EP300: variants seen among roughly 807,000 people sequenced by gnomAD.
EP300 encodes the protein histone acetyltransferase p300.
EP300 carries 31 observed loss-of-function variants against 264.0 expected under a neutral mutation model. The ratio of observed to expected loss-of-function variants is 0.12; its 90% CI spans 0.09 to 0.16. The LOEUF is 0.16. Among genes scored for constraint, EP300 ranks in the 10% least tolerant of loss-of-function variants. The probability of loss-of-function intolerance (pLI) is 1.00; values close to 1 mark genes in which losing one functional copy is unlikely to be tolerated. For missense variants in EP300, 2,766 were observed against 3,052.9 expected (o/e 0.91, Z 2.21); for synonymous variants, 1,340 against 1,045.4 (o/e 1.28, Z -5.44).
chr22:41,109,487 A>G (rs1460823147), intron 1 of EP300, among the ~76,000 whole-genome samples: 2 of 152,190 alleles, frequency 1.3e-5, no homozygotes, highest in Non-Finnish European at 2.9e-5. Context: ...AATGCCTGAC[A>G]CATTGAAAGT....
rs1186236584 is a variant in EP300 at position 41,135,849 on chromosome 22, T to G, written c.1565T>G (p.Val522Gly). The G allele has an allele frequency of 4.3e-6, 7 of 1,614,098 alleles. No individual in the cohort carries two copies. Among genetic ancestry groups the G allele is most frequent in the Middle Eastern group, 3.3e-4 (2 of 6,062 alleles). ...SPMGVNGGVG[V>G]QTPSLLSDSM... ...ATGGGAGTAAATGGAGGTGTAGGAGTTCAAACGCCGAGTCTTCTTTCTGAC... is the reference window on the plus strand; with the variant it reads ...ATGGGAGTAAATGGAGGTGTAGGAGGTCAAACGCCGAGTCTTCTTTCTGAC... Residue 522 changes from valine (V) to glycine (G), a missense_variant, in exon 7 of 31, where the codon GTT (valine) becomes GGT (glycine). By Grantham distance (109) the Val-to-Gly change is moderately radical. Coordinates refer to ENST00000263253, the MANE Select transcript of EP300 (RefSeq NM_001429.4).
rs1292809430 is a variant in EP300 at position 41,179,053 on chromosome 22, A to G, written c.*97A>G. The G allele has an allele frequency of 4.8e-6, 7 of 1,462,596 alleles. No individual in the cohort carries two copies. In the East Asian group the frequency reaches 1.2e-4, roughly 24 times the overall value. 90.6% of individuals were successfully genotyped at this position (1,462,596 alleles called of 1,614,324 possible). On this transcript the variant is annotated 3_prime_UTR_variant, in exon 31 of 31. Transcript: ENST00000263253. Reference sequence around the variant, plus strand: ...TTTTTTGAATCTTTCGTAGCCTAAAAGACAATTTTCCTTGGAACACATAAG... The same window carrying G: ...TTTTTTGAATCTTTCGTAGCCTAAAGGACAATTTTCCTTGGAACACATAAG...
At chr22:41,129,540 T>C (rs1327074839) in intron 4 of EP300, among the ~76,000 whole-genome samples, 2 of 152,234 alleles carry the variant, frequency 1.3e-5, no homozygotes, top group Non-Finnish European at 2.9e-5. Flanking sequence ...TATGAAGTCA[T>C]TAAAAAGTGT....
chr22:41,097,154 CTTTAAG>C (rs2058707015), intron 1 of EP300, among the ~76,000 whole-genome samples: 1 of 152,146 alleles, frequency 6.6e-6, no homozygotes, highest in Admixed American at 6.5e-5. Flanking sequence ...TACTAAAGTG[CTTTAAG>C]TTTTTCTGGC....
intron 4 of EP300, 94 bp from the exon 5 acceptor site, chr22:41,129,796 C>T (rs1489573719): frequency 2.3e-6 from 2 of 874,178 alleles, no homozygotes; most frequent in African/African-American, 1.7e-5. Flanking sequence ...TAAGTTAATG[C>T]ATTTATGTTA....
At chr22:41,134,400 G>A (rs1048751315) in intron 6 of EP300, among the ~76,000 whole-genome samples, 3 of 151,986 alleles carry the variant, frequency 2.0e-5, no homozygotes, top group Admixed American at 6.6e-5. Context: ...CTCACTGTGT[G>A]TGTATGTGTG....
In EP300 at chr22:41,178,881, C is replaced by T; in HGVS notation, c.7170C>T (p.Ala2390=). 1 of 1,614,204 alleles carries T rather than the reference C, an allele frequency of 6.2e-7. No homozygotes were observed. Among genetic ancestry groups the T allele is most frequent in the Non-Finnish European group, 8.5e-7 (1 of 1,180,044 alleles). Reference sequence around the variant, plus strand: ...TGGCAAACCTCCATGGTGCAAGCGCCACGGACCTGGGACTCAGCACCGATA... The same window carrying T: ...TGGCAAACCTCCATGGTGCAAGCGCTACGGACCTGGGACTCAGCACCGATA... ...PGMANLHGAS[A]TDLGLSTDNS... is the part of the protein sequence containing the mutation. The change falls in exon 31 of 31, where the codon GCC becomes GCT. Residue 2390 remains alanine (A), a synonymous_variant. Transcript: ENST00000263253.
chr22:41,168,350 G>GT, intron 23 of EP300, 99 bp from the exon 24 acceptor site: 6 of 1,424,278 alleles, frequency 4.2e-6, no homozygotes, highest in Non-Finnish European at 5.9e-6. Flanking sequence ...AAGTTATCCT[G>GT]TTTGTATTGA....
chr22:41,160,476 T>G, intron 19 of EP300, 166 bp from the exon 20 acceptor site: 1 of 600,352 alleles, frequency 1.7e-6, no homozygotes. Context: ...ACCCAAACTG[T>G]GGGGCCCATA....
intron 14 of EP300, among the ~76,000 whole-genome samples, chr22:41,151,294 G>GGA (rs2145739146): frequency 6.6e-6 from 1 of 152,222 alleles, no homozygotes; most frequent in Admixed American, 6.5e-5. Context: ...ATAAAATCAA[G>GGA]GATACTTCCA....
chr22:41,107,909 A>C (rs1328317940), intron 1 of EP300: 1 of 39,924 alleles, frequency 2.5e-5, no homozygotes, highest in African/African-American at 4.1e-5. Context: ...TTTCCGTGTT[A>C]GTCAGGCTGG....
chr22:41,126,245 G>A (rs954482873), intron 3 of EP300: 2 of 583,752 alleles, frequency 3.4e-6, no homozygotes, highest in Admixed American at 5.9e-5. Flanking sequence ...ATTGATCAGT[G>A]AGCATGTTGA....
chr22:41,146,853 TC>T (rs750329744), intron 11 of EP300, 37 bp downstream of exon 11: 3 of 1,561,416 alleles, frequency 1.9e-6, no homozygotes, highest in African/African-American at 1.4e-5. Flanking sequence ...TTTAAAAGAA[TC>T]CCCGGTGTAC....
chr22:41,099,151 G>A (rs983061132), intron 1 of EP300, among the ~76,000 whole-genome samples: 1 of 151,826 alleles, frequency 6.6e-6, no homozygotes, highest in African/African-American at 2.4e-5. Context: ...GACAACCTCC[G>A]TCTCCCGGCT....
rs1195775224 is a variant in EP300 at position 41,178,736 on chromosome 22, C to A, written c.7025C>A (p.Pro2342Gln). ...QPQPSPHHVS[P>Q]QTSSPHPGLV... Reference sequence around the variant, plus strand: ...CAGCCTTCTCCACACCACGTTTCCCCACAGACAAGTTCCCCACATCCTGGA... The same window carrying A: ...CAGCCTTCTCCACACCACGTTTCCCAACAGACAAGTTCCCCACATCCTGGA... Residue 2342 changes from proline to glutamine, a missense_variant, in exon 31 of 31, where the codon CCA (proline) becomes CAA (glutamine). Physicochemically the swap from Pro to Gln is moderately conservative, Grantham distance 76 (BLOSUM62 -1). Coordinates refer to ENST00000263253, the MANE Select transcript of EP300 (RefSeq NM_001429.4). The A allele has an allele frequency of 1.2e-6, 2 of 1,614,186 alleles. No individual in the cohort carries two copies. The highest frequency in any genetic ancestry group is 1.7e-6 in the Non-Finnish European group (2 of 1,180,022).
rs773457115 is a variant in EP300 at position 41,177,356 on chromosome 22, G to A, written c.5645G>A (p.Ser1882Asn). ...TSQPQPTPPN[S>N]MPPYLPRTQA... ...CAGCCTCAGCCTACCCCTCCCAATAGCATGCCACCCTACTTGCCCAGGACT... is the reference window on the plus strand; with the variant it reads ...CAGCCTCAGCCTACCCCTCCCAATAACATGCCACCCTACTTGCCCAGGACT... The change falls in exon 31 of 31, where the codon AGC becomes AAC. Residue 1882 changes from serine to asparagine, a missense_variant. Physicochemically the swap from Ser to Asn is conservative, Grantham distance 46. Transcript: ENST00000263253. The A allele has an allele frequency of 1.1e-5, 18 of 1,613,718 alleles. No individual in the cohort carries two copies. Among genetic ancestry groups the A allele is most frequent in the Non-Finnish European group, 1.5e-5 (18 of 1,179,986 alleles).
intron 4 of EP300, among the ~76,000 whole-genome samples, chr22:41,129,274 G>A (rs2058902374): frequency 6.6e-6 from 1 of 152,132 alleles, no homozygotes; most frequent in South Asian, 2.1e-4. Flanking sequence ...GCCTCCCAAA[G>A]TGCTGGAATT....
intron 2 of EP300, among the ~76,000 whole-genome samples, chr22:41,120,381 A>G (rs958846697): frequency 1.3e-5 from 2 of 152,146 alleles, no homozygotes; most frequent in African/African-American, 4.8e-5. Context: ...CTTCCACTGT[A>G]CCAAGTCCTA....
intron 27 of EP300, among the ~76,000 whole-genome samples, chr22:41,171,157 G>T (rs1307796325): frequency 6.6e-6 from 1 of 151,372 alleles, no homozygotes; most frequent in Non-Finnish European, 1.5e-5. Context: ...TTTATTTTTG[G>T]GGGGAGGGTG....
Sources: allele counts gnomAD v4.1 joint callset (sites outside exome capture counted in the v4.1 genomes callset), GRCh38; gene constraint gnomAD v4.1.1; transcripts MANE v1.5; gene names NCBI Gene and HGNC (gene_info 2026-07-23, HGNC 2026-07-21).